Variants in DNAJB11 observed in about 807,000 individuals in gnomAD.
DNAJB11 encodes the protein DnaJ heat shock protein family (Hsp40) member B11.
DNAJB11 carries 30 observed loss-of-function variants against 47.2 expected under a neutral mutation model. That is an observed-to-expected ratio of 0.64 (90% CI 0.48 to 0.86). DNAJB11 has a LOEUF of 0.86. Ranked by LOEUF, DNAJB11 falls within the 40% of genes least tolerant of loss-of-function variation. The pLI is 0.00. For synonymous variants in DNAJB11, 151 were observed against 159.9 expected, an observed-to-expected ratio of 0.94 and a Z score of 0.42; for missense variants, 357 against 440.2, an observed-to-expected ratio of 0.81 and a Z score of 1.69.
At position 186,585,422 on chromosome 3, in the gene DNAJB11, T is replaced by C; in HGVS notation, c.*14T>C. 6.9e-6 allele frequency: 11 copies of C among 1,593,568 alleles called. No homozygotes were observed. Among genetic ancestry groups the C allele is most frequent in the Non-Finnish European group, 9.4e-6 (11 of 1,168,016 alleles). On this transcript the variant is annotated 3_prime_UTR_variant, in exon 10 of 10. Transcript: ENST00000265028. The stretch of plus-strand genomic sequence containing the variant: ...CAAGGATATTGAGAGTGAATAAAAT[T>C]GGACTTTGTTTAAAATAAGTGAATA...
In DNAJB11 at chr3:186,584,620, T is replaced by TGTGTGTGTGTGTGTGTGTG. The variant is rs746585569; in HGVS notation, c.1012+33_1012+34insGTGTGTGTGTGTGTGTGGT. ...GCATATTAGTGTGTGTGTGTGTGTG[T>TGTGTGTGTGTGTGTGTGTG]GTTTGTGTGTGTGTATGTGTGTGTG... On this transcript the variant is annotated intron_variant, in intron 9 of 9. Transcript: ENST00000265028. 6.0e-6 allele frequency: 9 copies of TGTGTGTGTGTGTGTGTGTG among 1,512,122 alleles called. No individual in the cohort carries two copies. In the African/African-American group the frequency reaches 1.3e-4, roughly 22 times the overall value. The allele number at this position is 1,512,122 out of a possible 1,614,324, so 93.7% of individuals were successfully genotyped here. A position where few individuals can be genotyped will look rare whatever the true frequency, so the allele number is the denominator to read the frequency against.
In DNAJB11 at chr3:186,572,424, G is replaced by C. The variant is rs1823215; in HGVS notation, c.225+173G>C. The stretch of plus-strand genomic sequence containing the variant: ...TGGTGCAATCTCCGCTCACTGCAAC[G>C]TCCACCTCCTGGGTTCAAGCAGTTC... On this transcript the variant is annotated intron_variant, in intron 2 of 9. Coordinates refer to ENST00000265028, the MANE Select transcript of DNAJB11 (RefSeq NM_016306.6). 0.29 allele frequency among the ~76,000 whole-genome samples: 43,413 copies of C among 151,826 alleles called. 8,267 individuals carry two copies. Among genetic ancestry groups the C allele is most frequent in the African/African-American group, 0.54 (22,467 of 41,356 alleles).
chr3:186,576,018 G>C (rs1252579787), intron 3 of DNAJB11, 81 bp downstream of exon 3: 5 of 1,055,874 alleles, frequency 4.7e-6, no homozygotes, highest in Non-Finnish European at 7.2e-6. Context: ...TCATTCCCTA[G>C]TTCAGAAACT....
intron 4 of DNAJB11, 54 bp from the exon 5 acceptor site, chr3:186,581,317 A>G: frequency 6.3e-6 from 10 of 1,597,546 alleles, no homozygotes; most frequent in South Asian, 2.3e-5. Flanking sequence ...AATTGAGGAA[A>G]GGAAAGGCTG....
intron 6 of DNAJB11, 62 bp from the exon 7 acceptor site, chr3:186,582,654 C>T (rs1715525441): frequency 2.2e-6 from 3 of 1,381,748 alleles, no homozygotes; most frequent in Admixed American, 3.9e-5. Context: ...TATCAGTTGC[C>T]AAATAGATTT....
chr3:186,582,173 T>A (rs1156398099), intron 6 of DNAJB11, 96 bp downstream of exon 6: 1 of 918,920 alleles, frequency 1.1e-6, no homozygotes, highest in Non-Finnish European at 1.7e-6. Context: ...CATCTTAATG[T>A]TCACATAGTA....
intron 4 of DNAJB11, chr3:186,580,102 G>C (rs1271994618): frequency 1.3e-5 from 2 of 152,214 alleles, no homozygotes; most frequent in Non-Finnish European, 2.9e-5. Context: ...TGGGAGGAAA[G>C]AGGTGAGCCT....
intron 2 of DNAJB11, among the ~76,000 whole-genome samples, chr3:186,575,350 T>C (rs1357500306): frequency 7.5e-6 from 1 of 133,038 alleles, no homozygotes; most frequent in Non-Finnish European, 1.6e-5. Context: ...AATCTCCTAA[T>C]ACATGCGCGC....
intron 2 of DNAJB11, among the ~76,000 whole-genome samples, chr3:186,572,504 G>A (rs1311293370): frequency 1.3e-5 from 2 of 152,134 alleles, no homozygotes; most frequent in African/African-American, 2.4e-5. Context: ...ACCACACCTG[G>A]CTAATTTTTG....
intron 6 of DNAJB11, among the ~76,000 whole-genome samples, chr3:186,582,305 G>T (rs114859750): frequency 0.01 from 1,526 of 152,242 alleles, 27 homozygotes; most frequent in African/African-American, 0.035. Flanking sequence ...TTATTATGAG[G>T]TAGCCTAAGT....
At chr3:186,576,770 G>T (rs1715312509) in intron 3 of DNAJB11, among the ~76,000 whole-genome samples, 1 of 151,782 alleles carries the variant, frequency 6.6e-6, no homozygotes, top group African/African-American at 2.4e-5. Context: ...TTTTCCCCCC[G>T]CCAGGATCAA....
Position 186,570,948 on chromosome 3 carries a change from C to T in DNAJB11, c.51C>T (p.Ile17=), listed in dbSNP as rs775986965. 3 of 1,358,804 alleles carry T rather than the reference C, an allele frequency of 2.2e-6. No individual in the cohort carries two copies. The highest frequency in any genetic ancestry group is 1.2e-5 in the South Asian group (1 of 85,040). 84.2% of individuals were successfully genotyped at this position (1,358,804 alleles called of 1,614,324 possible). The change falls in exon 1 of 10, where the codon ATC becomes ATT. Residue 17 remains isoleucine, a synonymous_variant. Coordinates refer to ENST00000265028, the MANE Select transcript of DNAJB11 (RefSeq NM_016306.6). The part of the protein sequence containing the change: ...STFCLLLLYL[I]GAVIAGRDFY... ...TTTGCCTGTTGCTGCTATACCTCATCGGGGCGGTGATTGCCGGGTGAGGAA... is the reference window on the plus strand; with the variant it reads ...TTTGCCTGTTGCTGCTATACCTCATTGGGGCGGTGATTGCCGGGTGAGGAA...
At chr3:186,583,548 G>C (rs926354966) in intron 7 of DNAJB11, among the ~76,000 whole-genome samples, 3 of 152,126 alleles carry the variant, frequency 2.0e-5, no homozygotes, top group African/African-American at 7.2e-5. Flanking sequence ...ACTTAGTCTT[G>C]TGAGCCCAGC....
At position 186,581,419 on chromosome 3, in the gene DNAJB11, T is replaced by C; in HGVS notation, c.505T>C (p.Cys169Arg). ...VARQAPGKRK[C>R]NCRQEMRTTQ... ...AAGGCAGGCTCCTGGCAAACGGAAG[T>C]GCAATTGTCGGCAAGAGATGCGGAC... The change falls in exon 5 of 10, where the codon TGC (cysteine) becomes CGC (arginine). Residue 169 changes from cysteine to arginine, a missense_variant. Transcript: ENST00000265028. 6 of 1,613,960 alleles carry C rather than the reference T, an allele frequency of 3.7e-6. No homozygotes were observed. Among genetic ancestry groups the C allele is most frequent in the Non-Finnish European group, 5.1e-6 (6 of 1,179,978 alleles).
chr3:186,576,064 C>G, intron 3 of DNAJB11, 127 bp downstream of exon 3: 1 of 625,004 alleles, frequency 1.6e-6, no homozygotes, highest in Non-Finnish European at 2.8e-6. Flanking sequence ...ATCCAAAGAT[C>G]AATTATTGTC....
At chr3:186,578,330 A>G (rs917433739) in intron 4 of DNAJB11, 1 of 152,180 alleles carries the variant, frequency 6.6e-6, no homozygotes, top group African/African-American at 2.4e-5. Flanking sequence ...AATTCCAAAC[A>G]GCGCTTTTAT....
chr3:186,585,390 T>C lies in DNAJB11; in HGVS notation c.1059T>C (p.Asn353=), dbSNP rs140521819. 71 of 1,610,986 alleles carry C rather than the reference T, an allele frequency of 4.4e-5. 1 individual carries two copies. In the African/African-American group the frequency reaches 8.8e-4, roughly 20 times the overall value. The change falls in exon 10 of 10, where the codon AAT becomes AAC. Residue 353 remains asparagine (N), a synonymous_variant. Coordinates refer to ENST00000265028, the MANE Select transcript of DNAJB11 (RefSeq NM_016306.6). ...AAGGGTCAGTGCAGAAGGTATACAA[T>C]GGACTGCAAGGATATTGAGAGTGAA... The part of the protein sequence containing the change: ...LKQGSVQKVY[N]GLQGY
intron 3 of DNAJB11, 34 bp downstream of exon 3, chr3:186,575,971 T>C: frequency 6.8e-7 from 1 of 1,461,886 alleles, no homozygotes; most frequent in Non-Finnish European, 9.6e-7. Flanking sequence ...AGTGTTAGTG[T>C]CTGAGAGAGG....
At chr3:186,585,231 C>A in intron 9 of DNAJB11, 113 bp from the exon 10 acceptor site, 2 of 735,574 alleles carry the variant, frequency 2.7e-6, no homozygotes, top group Non-Finnish European at 2.3e-6. Context: ...ATTTAATTCA[C>A]ATCCATGTTT....
Sources: allele counts gnomAD v4.1 joint callset (sites outside exome capture counted in the v4.1 genomes callset), GRCh38; gene constraint gnomAD v4.1.1; transcripts MANE v1.5; gene names NCBI Gene and HGNC (gene_info 2026-07-23, HGNC 2026-07-21).